GREB1L: variants seen among roughly 807,000 people sequenced by gnomAD.
GREB1L encodes the protein GREB1 like retinoic acid receptor coactivator, also known as GREB1-like protein.
A neutral mutation model predicts 200.8 loss-of-function variants in GREB1L; 17 were observed. That is an observed-to-expected ratio of 0.08 (90% confidence interval 0.06 to 0.13). The LOEUF is 0.13. Among genes scored for constraint, GREB1L ranks in the 10% least tolerant of loss-of-function variants. The pLI is 1.00. For synonymous variants in GREB1L, 789 were observed against 893.0 expected (o/e 0.88, Z 2.08); for missense variants, 1,657 against 2,367.7 (o/e 0.70, Z 6.23).
intron 1 of GREB1L, among the ~76,000 whole-genome samples, chr18:21,292,366 T>A (rs1415260195): frequency 6.6e-6 from 1 of 152,218 alleles, no homozygotes; most frequent in Non-Finnish European, 1.5e-5. Flanking sequence ...AATTGAGACA[T>A]AATTCACGTA....
chr18:21,481,473 GTGTGTA>G lies in GREB1L; in HGVS notation c.2556+4119_2556+4124del, dbSNP rs780094805. On this transcript the variant is annotated intron_variant, in intron 17 of 32. Coordinates refer to ENST00000424526, the MANE Select transcript of GREB1L (RefSeq NM_001142966.3). ...TGTGTGTGTGTGTGTGTGTGTGTGT[GTGTGTA>G]TATATATATATATATATAGCATTAT... is the stretch of plus-strand genomic sequence containing the variant. Among the ~76,000 whole-genome samples, 1,286 of 140,052 alleles carry G rather than the reference GTGTGTA, an allele frequency of 9.2e-3. 12 individuals are homozygous for G. The highest frequency in any genetic ancestry group is 0.029 in the African/African-American group (1,045 of 36,040). The allele number at this position is 140,052 out of a possible 152,430, so 91.9% of individuals were successfully genotyped here.
intron 1 of GREB1L, among the ~76,000 whole-genome samples, chr18:21,308,553 G>A (rs1567930980): frequency 6.6e-6 from 1 of 152,204 alleles, no homozygotes; most frequent in Admixed American, 6.5e-5. Flanking sequence ...GGAGAACGTG[G>A]AGGGATGGGC....
chr18:21,373,302 A>G (rs910628415), intron 2 of GREB1L, among the ~76,000 whole-genome samples: 2 of 152,118 alleles, frequency 1.3e-5, no homozygotes, highest in Non-Finnish European at 2.9e-5. Context: ...AGGGGTTACA[A>G]AGTGATAATT....
chr18:21,516,198 C>T (rs1375275174), intron 29 of GREB1L, among the ~76,000 whole-genome samples: 1 of 152,144 alleles, frequency 6.6e-6, no homozygotes, highest in Admixed American at 6.5e-5. Context: ...AAGGCAGGAA[C>T]CATAAAGTCC....
At chr18:21,289,319 G>A (rs943837060) in intron 1 of GREB1L, among the ~76,000 whole-genome samples, 8 of 152,132 alleles carry the variant, frequency 5.3e-5, no homozygotes, top group Non-Finnish European at 4.4e-5. Flanking sequence ...GGAGGCTGAG[G>A]CAGGAGGATT....
chr18:21,467,800 G>A (rs181100385), intron 15 of GREB1L, among the ~76,000 whole-genome samples: 5 of 152,060 alleles, frequency 3.3e-5, no homozygotes, highest in East Asian at 3.9e-4. Context: ...CAAGGCGGGC[G>A]GATCACAAGG....
intron 1 of GREB1L, among the ~76,000 whole-genome samples, chr18:21,305,077 G>A (rs1598644455): frequency 6.6e-6 from 1 of 151,942 alleles, no homozygotes; most frequent in Admixed American, 6.6e-5. Flanking sequence ...CTGGGTTCAA[G>A]CGATTCTCCT....
At chr18:21,445,199 G>A (rs1598851808) in intron 11 of GREB1L, among the ~76,000 whole-genome samples, 1 of 152,364 alleles carries the variant, frequency 6.6e-6, no homozygotes, top group East Asian at 1.9e-4. Flanking sequence ...ATGTGGCCGG[G>A]CACGGTGGCT....
At chr18:21,345,627 C>A (rs9958325) in intron 1 of GREB1L, among the ~76,000 whole-genome samples, 4,428 of 152,132 alleles carry the variant, frequency 0.029, 230 homozygotes, top group African/African-American at 0.1. Context: ...AATCCCAGCA[C>A]TTTGGGAGGC....
chr18:21,421,684 T>C (rs1381279092), intron 7 of GREB1L, among the ~76,000 whole-genome samples: 1 of 152,220 alleles, frequency 6.6e-6, no homozygotes, highest in Non-Finnish European at 1.5e-5. Flanking sequence ...AACATGTTCA[T>C]TGCTACTGTG....
chr18:21,494,480 T>C (rs1465511153), intron 19 of GREB1L, among the ~76,000 whole-genome samples: 2 of 152,172 alleles, frequency 1.3e-5, no homozygotes, highest in Admixed American at 6.5e-5. Flanking sequence ...TTGGTGACTT[T>C]CTTTTTATCC....
chr18:21,388,802 C>T (rs77634569), intron 4 of GREB1L, among the ~76,000 whole-genome samples: 2,720 of 151,880 alleles, frequency 0.018, 86 homozygotes, highest in African/African-American at 0.062. Context: ...TGACCTTGGC[C>T]GTTTGGGGAG....
chr18:21,489,368 GT>G (rs1268533262), intron 18 of GREB1L, among the ~76,000 whole-genome samples: 1 of 152,184 alleles, frequency 6.6e-6, no homozygotes. Flanking sequence ...CCAAGGAACA[GT>G]TTATGGAAAG....
chr18:21,431,919 C>CTTTTTTTTTTTTTTTTTTTT (rs773523492), intron 7 of GREB1L, among the ~76,000 whole-genome samples: 1 of 91,278 alleles, frequency 1.1e-5, no homozygotes, highest in Non-Finnish European at 2.0e-5. Context: ...CTTTTCTTTT[C>CTTTTTTTTTTTTTTTTTTTT]TTTTTTTTTT....
chr18:21,520,619 A>G (rs574987493), intron 31 of GREB1L, 69 bp from the exon 32 acceptor site: 21 of 1,489,152 alleles, frequency 1.4e-5, no homozygotes, highest in Non-Finnish European at 1.9e-5. Flanking sequence ...GTACTGAGTC[A>G]TTCTGCTGAA....
chr18:21,420,603 T>TAC (rs1442565158), intron 7 of GREB1L, among the ~76,000 whole-genome samples: 1 of 152,186 alleles, frequency 6.6e-6, no homozygotes, highest in Non-Finnish European at 1.5e-5. Context: ...GATACCAGTA[T>TAC]ACACCTATTA....
intron 15 of GREB1L, among the ~76,000 whole-genome samples, chr18:21,460,372 T>G (rs1013415003): frequency 6.6e-6 from 1 of 151,912 alleles, no homozygotes; most frequent in Non-Finnish European, 1.5e-5. Context: ...TGAGACAGAG[T>G]TTCGCTTTTG....
chr18:21,463,723 A>G (rs2035151557), intron 15 of GREB1L, among the ~76,000 whole-genome samples: 1 of 152,154 alleles, frequency 6.6e-6, no homozygotes, highest in African/African-American at 2.4e-5. Flanking sequence ...AACTACAGGC[A>G]CATGCCACCA....
intron 1 of GREB1L, among the ~76,000 whole-genome samples, chr18:21,330,594 G>C (rs1282491896): frequency 6.6e-6 from 1 of 152,118 alleles, no homozygotes; most frequent in Non-Finnish European, 1.5e-5. Context: ...ATACTGCTCT[G>C]ACTCATTAGT....
Sources: gnomAD v4.1 joint callset for allele counts (sites outside exome capture counted in the v4.1 genomes callset) on GRCh38, gnomAD v4.1.1 for gene constraint, MANE v1.5 for transcripts, NCBI Gene and HGNC (gene_info 2026-07-23, HGNC 2026-07-21) for gene names.